The following SMIM31 variants were observed in gnomAD, a reference collection of about 807,000 sequenced individuals.
SMIM31 encodes human epithelial cell program regulator.
At chr4:164,780,488 G>A (rs1560828591) in intron 2 of SMIM31, among the ~76,000 whole-genome samples, 1 of 152,308 alleles carries the variant, frequency 6.6e-6, no homozygotes, top group African/African-American at 2.4e-5. Flanking sequence ...TAGTAGGCAG[G>A]GGCCTAGGCC....
intron 2 of SMIM31, among the ~76,000 whole-genome samples, chr4:164,777,076 A>G (rs1391440445): frequency 1.3e-5 from 2 of 152,250 alleles, no homozygotes; most frequent in African/African-American, 4.8e-5. Context: ...TTGAAAACTC[A>G]GTGACATGAA....
At chr4:164,778,504 A>G (rs936489211) in intron 2 of SMIM31, among the ~76,000 whole-genome samples, 1 of 152,158 alleles carries the variant, frequency 6.6e-6, no homozygotes, top group Non-Finnish European at 1.5e-5. Context: ...TTGGTACACA[A>G]TTTGGGTTGT....
chr4:164,775,182 G>A (rs2110938578), intron 2 of SMIM31, among the ~76,000 whole-genome samples: 1 of 152,242 alleles, frequency 6.6e-6, no homozygotes, highest in East Asian at 1.9e-4. Context: ...TTAAGGAAAA[G>A]AACTACCTTT....
intron 2 of SMIM31, among the ~76,000 whole-genome samples, chr4:164,772,673 G>T (rs1243516175): frequency 6.6e-6 from 1 of 151,230 alleles, no homozygotes; most frequent in Non-Finnish European, 1.5e-5. Context: ...CCGCCTCCCG[G>T]GTTCACGCCA....
At chr4:164,799,928 A>C (rs1733260994) in intron 2 of SMIM31, among the ~76,000 whole-genome samples, 1 of 152,240 alleles carries the variant, frequency 6.6e-6, no homozygotes, top group Non-Finnish European at 1.5e-5. Flanking sequence ...CAGTATGTGC[A>C]ATCAAAGTAG....
intron 2 of SMIM31, among the ~76,000 whole-genome samples, chr4:164,795,409 T>G (rs146996443): frequency 6.6e-6 from 1 of 151,994 alleles, no homozygotes; most frequent in East Asian, 1.9e-4. Flanking sequence ...AATACAAAAA[T>G]TAGCCAGGTG....
chr4:164,777,361 T>G (rs1732890954), intron 2 of SMIM31, among the ~76,000 whole-genome samples: 1 of 152,234 alleles, frequency 6.6e-6, no homozygotes, highest in South Asian at 2.1e-4. Flanking sequence ...TTTTCTTAAA[T>G]TATATAGAAT....
intron 2 of SMIM31, among the ~76,000 whole-genome samples, chr4:164,770,850 T>C (rs1377723591): frequency 1.3e-5 from 2 of 152,116 alleles, no homozygotes; most frequent in Non-Finnish European, 2.9e-5. Context: ...GTAAAAACAA[T>C]TGTTAATAAG....
At chr4:164,762,027 C>G (rs984949934) in intron 1 of SMIM31, among the ~76,000 whole-genome samples, 4 of 152,048 alleles carry the variant, frequency 2.6e-5, no homozygotes, top group Non-Finnish European at 4.4e-5. Context: ...CAGCCAATGT[C>G]GGCAGGAGGG....
intron 2 of SMIM31, among the ~76,000 whole-genome samples, chr4:164,791,587 T>C (rs1458363583): frequency 6.6e-6 from 1 of 152,176 alleles, no homozygotes; most frequent in African/African-American, 2.4e-5. Context: ...CCACTTGCCT[T>C]AGCCTTCCAA....
chr4:164,763,449 A>T (rs1209902939), intron 1 of SMIM31, among the ~76,000 whole-genome samples: 1 of 152,214 alleles, frequency 6.6e-6, no homozygotes, highest in Non-Finnish European at 1.5e-5. Flanking sequence ...CGGAATTTTT[A>T]AAAATGAACC....
At chr4:164,768,237 A>G in intron 1 of SMIM31, among the ~76,000 whole-genome samples, 1 of 104,754 alleles carries the variant, frequency 9.5e-6, no homozygotes, top group Admixed American at 1.1e-4. Flanking sequence ...CTTTGTCACA[A>G]AAAAAAAAAA....
intron 1 of SMIM31, among the ~76,000 whole-genome samples, chr4:164,766,772 T>A (rs1358672024): frequency 6.7e-6 from 1 of 149,180 alleles, no homozygotes; most frequent in African/African-American, 2.5e-5. Flanking sequence ...CACTCCAGCC[T>A]GGTGACAGAG....
At chr4:164,786,341 C>T (rs1733025304) in intron 2 of SMIM31, among the ~76,000 whole-genome samples, 1 of 152,136 alleles carries the variant, frequency 6.6e-6, no homozygotes, top group African/African-American at 2.4e-5. Context: ...TACCTGAAAG[C>T]TGTTCCCAGG....
At chr4:164,762,861 A>C (rs1349315882) in intron 1 of SMIM31, among the ~76,000 whole-genome samples, 1 of 152,118 alleles carries the variant, frequency 6.6e-6, no homozygotes, top group Non-Finnish European at 1.5e-5. Flanking sequence ...TGCCTAGAAG[A>C]ATGAAACGCT....
At chr4:164,768,959 T>A (rs1308329433) in intron 1 of SMIM31, among the ~76,000 whole-genome samples, 1 of 152,210 alleles carries the variant, frequency 6.6e-6, no homozygotes, top group Non-Finnish European at 1.5e-5. Flanking sequence ...TAATATTCTC[T>A]ACCACCGATT....
intron 1 of SMIM31, among the ~76,000 whole-genome samples, chr4:164,757,971 C>A (rs573463043): frequency 6.6e-6 from 1 of 152,032 alleles, no homozygotes; most frequent in East Asian, 1.9e-4. Flanking sequence ...ACTATAATTG[C>A]CTTGGATTTA....
chr4:164,755,757 G>T (rs774701717), intron 1 of SMIM31, among the ~76,000 whole-genome samples: 2 of 151,980 alleles, frequency 1.3e-5, no homozygotes, highest in Non-Finnish European at 2.9e-5. Flanking sequence ...CCAGTCTCTG[G>T]TGGGACAGAG....
chr4:164,757,751 C>A (rs1227767914), intron 1 of SMIM31, among the ~76,000 whole-genome samples: 1 of 151,986 alleles, frequency 6.6e-6, no homozygotes, highest in East Asian at 1.9e-4. Flanking sequence ...TAATTTTGAA[C>A]CCTTTATTTA....
Sources: gnomAD v4.1 joint callset for allele counts (sites outside exome capture counted in the v4.1 genomes callset) on GRCh38, gnomAD v4.1.1 for gene constraint, MANE v1.5 for transcripts, NCBI Gene and HGNC (gene_info 2026-07-23, HGNC 2026-07-21) for gene names.